The following IFNLR1 variants were observed in gnomAD, a reference collection of about 807,000 sequenced individuals.
IFNLR1 encodes the protein CRF2-12.
A neutral mutation model predicts 52.5 loss-of-function variants in IFNLR1; 28 were observed. The observed-to-expected ratio is 0.53, with a 90% CI of 0.40 to 0.73. IFNLR1 has a LOEUF of 0.73. Among genes scored for constraint, IFNLR1 ranks in the 30% least tolerant of loss-of-function variants. The probability of loss-of-function intolerance (pLI) is 0.00; values close to 1 mark genes in which losing one functional copy is unlikely to be tolerated. For synonymous variants in IFNLR1, 276 were observed against 274.9 expected (o/e 1.00, Z -0.04); for missense variants, 623 against 659.1 (o/e 0.95, Z 0.60).
At chr1:24,177,240 A>G (rs1006457526) in intron 2 of IFNLR1, among the ~76,000 whole-genome samples, 63 of 152,294 alleles carry the variant, frequency 4.1e-4, no homozygotes, top group African/African-American at 1.5e-3. Flanking sequence ...TATTAAGGAG[A>G]ATTGGCTCAC....
Position 24,162,702 on chromosome 1 carries a change from TTTTC to T in IFNLR1, c.368-1022_368-1019del, listed in dbSNP as rs1401713866. ...CAAGAGAGGGCAGAACTCACTTTTC[TTTTC>T]TTTTCTTTCTTTCTTTCTTTTCTTT... is the stretch of plus-strand genomic sequence containing the variant. On this transcript the variant is annotated intron_variant, in intron 3 of 6. Coordinates refer to ENST00000327535, the MANE Select transcript of IFNLR1 (RefSeq NM_170743.4). 1.3e-3 allele frequency among the ~76,000 whole-genome samples: 45 copies of T among 33,602 alleles called. 1 individual carries two copies. The highest frequency in any genetic ancestry group is 4.8e-3 in the African/African-American group (40 of 8,362). The allele number at this position is 33,602 out of a possible 152,430, so 22.0% of individuals were successfully genotyped here.
rs544996103 is a variant in IFNLR1, at chr1:24,156,674, C to T, written c.*456G>A. 1 of 158,176 alleles carries T rather than the reference C, an allele frequency of 6.3e-6. No individual in the cohort carries two copies. The highest frequency in any genetic ancestry group is 2.0e-4 in the South Asian group (1 of 4,958). 9.8% of individuals were successfully genotyped at this position (158,176 alleles called of 1,614,324 possible). The stretch of plus-strand genomic sequence containing the variant: ...GGACCCATGAATCAGGAGGCTGAGC[C>T]CTGGGATGGGGGAGTTCAGTGGCTG... On this transcript the variant is annotated 3_prime_UTR_variant, in exon 7 of 7. Transcript: ENST00000327535.
chr1:24,160,359 G>A (rs1000533888), intron 4 of IFNLR1, among the ~76,000 whole-genome samples: 27 of 152,204 alleles, frequency 1.8e-4, no homozygotes, highest in African/African-American at 5.8e-4. Context: ...TTTTAAAGAC[G>A]TAGTGAAAAA....
At chr1:24,160,584 C>T (rs1644431915) in intron 4 of IFNLR1, among the ~76,000 whole-genome samples, 1 of 152,160 alleles carries the variant, frequency 6.6e-6, no homozygotes, top group Non-Finnish European at 1.5e-5. Flanking sequence ...AAGGCAGGAA[C>T]CACGCTGGAT....
At chr1:24,185,438 A>G (rs977936613) in intron 1 of IFNLR1, among the ~76,000 whole-genome samples, 15 of 152,224 alleles carry the variant, frequency 9.9e-5, no homozygotes, top group African/African-American at 3.1e-4. Flanking sequence ...CCCATGGAGA[A>G]TTCAGGGTCC....
At chr1:24,160,466 G>A (rs921955817) in intron 4 of IFNLR1, among the ~76,000 whole-genome samples, 2 of 152,154 alleles carry the variant, frequency 1.3e-5, no homozygotes, top group African/African-American at 4.8e-5. Context: ...CGATTTACCT[G>A]TCTCTTTTTA....
At chr1:24,184,468 G>GTGGCCTGGCC (rs745321892) in intron 1 of IFNLR1, among the ~76,000 whole-genome samples, 1 of 152,044 alleles carries the variant, frequency 6.6e-6, no homozygotes, top group Non-Finnish European at 1.5e-5. Context: ...CCTGCCTGAC[G>GTGGCCTGGCC]TGGCCTGGCC....
chr1:24,160,634 C>T (rs936563826), intron 4 of IFNLR1, among the ~76,000 whole-genome samples: 61 of 152,124 alleles, frequency 4.0e-4, no homozygotes, highest in African/African-American at 1.3e-3. Context: ...ATGCAAAAAT[C>T]GGGAGTGTGA....
chr1:24,182,309 C>G (rs1644699064), intron 1 of IFNLR1, among the ~76,000 whole-genome samples: 1 of 152,126 alleles, frequency 6.6e-6, no homozygotes, highest in South Asian at 2.1e-4. Context: ...GCTACTGGAA[C>G]CCTAATTTAG....
chr1:24,169,594 T>TA lies in IFNLR1; in HGVS notation c.189_190insT (p.Thr64TyrfsTer3). Reference sequence around the variant, plus strand: ...TCCACTTCGCGCCACCGTCTACGGGTGGGAGAGCTGGGGGAGGAGAGAGGA... The same window carrying TA: ...TCCACTTCGCGCCACCGTCTACGGGTAGGGAGAGCTGGGGGAGGAGAGAGGA... On this transcript the variant is annotated frameshift_variant, in exon 3 of 7. Coordinates refer to ENST00000327535, the MANE Select transcript of IFNLR1 (RefSeq NM_170743.4). LOFTEE classifies it high-confidence loss of function. 6.2e-7 allele frequency: 1 copy of TA among 1,612,686 alleles called. No homozygotes were observed. Among genetic ancestry groups the TA allele is most frequent in the African/African-American group, 1.3e-5 (1 of 74,988 alleles).
intron 1 of IFNLR1, among the ~76,000 whole-genome samples, chr1:24,186,018 A>G (rs1388331127): frequency 2.0e-5 from 3 of 152,198 alleles, no homozygotes; most frequent in Admixed American, 1.3e-4. Context: ...TTACTCCTAA[A>G]TCATCACACC....
intron 3 of IFNLR1, among the ~76,000 whole-genome samples, chr1:24,163,054 G>A (rs1191182969): frequency 4.2e-5 from 6 of 142,290 alleles, no homozygotes; most frequent in Non-Finnish European, 7.5e-5. Context: ...TCTGCCTCCC[G>A]GATTCATGCG....
In IFNLR1 at chr1:24,169,515, T is replaced by C. The variant is rs1328001475; in HGVS notation, c.269A>G (p.Gln90Arg). 1 of 1,614,098 alleles carries C rather than the reference T, an allele frequency of 6.2e-7. No homozygotes were observed. Among genetic ancestry groups the C allele is most frequent in the Non-Finnish European group, 8.5e-7 (1 of 1,180,048 alleles). ...TCCCTTGAACTTGTTGTACAGGTCC[T>C]GTTTCTTCAGGCACATCATAGAACA... The part of the protein sequence containing the change: ...LLCSMMCLKK[Q>R]DLYNKFKGRV... Residue 90 changes from glutamine to arginine, a missense_variant, in exon 3 of 7, where the codon CAG (glutamine) becomes CGG (arginine). Gln to Arg is a conservative substitution (Grantham distance 43, BLOSUM62 1). Coordinates refer to ENST00000327535, the MANE Select transcript of IFNLR1 (RefSeq NM_170743.4).
intron 1 of IFNLR1, among the ~76,000 whole-genome samples, chr1:24,182,287 G>A (rs1331710378): frequency 1.3e-5 from 2 of 151,816 alleles, no homozygotes; most frequent in Non-Finnish European, 2.9e-5. Flanking sequence ...GGGCAGGCTT[G>A]CCAGCCACTC....
chr1:24,169,290 A>C (rs1455332520), intron 3 of IFNLR1, 127 bp downstream of exon 3: 3 of 842,544 alleles, frequency 3.6e-6, no homozygotes, highest in African/African-American at 3.4e-5. Context: ...GGCCTGGCCC[A>C]GGGAGCTGCC....
chr1:24,178,283 T>C (rs373816165), intron 2 of IFNLR1, among the ~76,000 whole-genome samples: 26 of 144,314 alleles, frequency 1.8e-4, no homozygotes, highest in African/African-American at 6.1e-4. Context: ...AAGCTCTGTC[T>C]AAAAAAAAAA....
chr1:24,158,258 T>C (rs1175470093), intron 6 of IFNLR1, among the ~76,000 whole-genome samples: 1 of 152,154 alleles, frequency 6.6e-6, no homozygotes, highest in Non-Finnish European at 1.5e-5. Flanking sequence ...GCAGGGGCAA[T>C]GTGGGCTCCA....
At chr1:24,162,876 TTTCCTTCC>T (rs752104875) in intron 3 of IFNLR1, among the ~76,000 whole-genome samples, 9 of 22,586 alleles carry the variant, frequency 4.0e-4, no homozygotes, top group East Asian at 1.5e-3. Flanking sequence ...TCTTTCTTTC[TTTCCTTCC>T]TTCCTTCCTT....
chr1:24,160,559 T>C (rs955536591), intron 4 of IFNLR1, among the ~76,000 whole-genome samples: 1 of 152,130 alleles, frequency 6.6e-6, no homozygotes, highest in Non-Finnish European at 1.5e-5. Context: ...GTCTAGAATA[T>C]TTGTGAGGTT....
Sources: gnomAD v4.1 joint callset for allele counts (sites outside exome capture counted in the v4.1 genomes callset) on GRCh38, gnomAD v4.1.1 for gene constraint, MANE v1.5 for transcripts, NCBI Gene and HGNC (gene_info 2026-07-23, HGNC 2026-07-21) for gene names.